DAAM1: variants seen among roughly 807,000 people sequenced by gnomAD.
DAAM1 encodes the protein dishevelled associated activator of morphogenesis 1.
DAAM1 carries 52 observed loss-of-function variants against 130.0 expected under a neutral mutation model. The ratio of observed to expected loss-of-function variants is 0.40; its 90% CI spans 0.32 to 0.50. The LOEUF (loss-of-function observed/expected upper bound fraction) is 0.50, where lower values mean the gene tolerates loss of function less well. Among genes scored for constraint, DAAM1 ranks in the 20% least tolerant of loss-of-function variants. DAAM1 has a pLI of 0.61. For synonymous variants in DAAM1, 452 were observed against 444.5 expected (o/e 1.02, Z -0.21); for missense variants, 1,134 against 1,303.8 (o/e 0.87, Z 2.01).
intron 12 of DAAM1, among the ~76,000 whole-genome samples, chr14:59,328,825 T>G (rs1057231658): frequency 2.0e-5 from 3 of 152,178 alleles, no homozygotes; most frequent in African/African-American, 7.2e-5. Context: ...GTTTTAGTGT[T>G]TTAAAGTGAA....
At chr14:59,322,279 A>G (rs1885040065) in intron 5 of DAAM1, among the ~76,000 whole-genome samples, 1 of 152,058 alleles carries the variant, frequency 6.6e-6, no homozygotes. Flanking sequence ...TGGGAGGCTG[A>G]GACAGGAGGT....
intron 2 of DAAM1, chr14:59,266,180 A>T (rs1346635135): frequency 1.3e-5 from 2 of 152,026 alleles, no homozygotes; most frequent in African/African-American, 4.8e-5. Context: ...GAAAAAAAAA[A>T]GTCAACCAAA....
intron 12 of DAAM1, 44 bp downstream of exon 12, chr14:59,327,035 G>A: frequency 6.2e-7 from 1 of 1,604,084 alleles, no homozygotes; most frequent in Non-Finnish European, 8.5e-7. Context: ...ATTGGTTATT[G>A]GGTGACCTTG....
chr14:59,210,722 T>G (rs1312333142), intron 1 of DAAM1, among the ~76,000 whole-genome samples: 1 of 152,246 alleles, frequency 6.6e-6, no homozygotes. Context: ...TTAATCTTAG[T>G]AGTTTTCTGC....
chr14:59,259,344 A>C (rs1594784572), intron 1 of DAAM1, among the ~76,000 whole-genome samples: 1 of 152,350 alleles, frequency 6.6e-6, no homozygotes, highest in East Asian at 1.9e-4. Flanking sequence ...CTAGTTAGGC[A>C]GATTAACAAG....
At position 59,353,876 on chromosome 14, in the gene DAAM1, A is replaced by T. The variant is rs762316105; in HGVS notation, c.2268A>T (p.Arg756=). The T allele has an allele frequency of 6.2e-7, 1 of 1,613,834 alleles. No individual in the cohort carries two copies. Among genetic ancestry groups the T allele is most frequent in the East Asian group, 2.2e-5 (1 of 44,846 alleles). The part of the protein sequence containing the change: ...KADRFLFEMS[R]INHYQQRLQS... ...AATTAGTACATGTTTGCTCTTACAGAATTAATCACTATCAGCAAAGGTTGC... is the reference window on the plus strand; with the variant it reads ...AATTAGTACATGTTTGCTCTTACAGTATTAATCACTATCAGCAAAGGTTGC... The change falls in exon 19 of 25, where the codon CGA becomes CGT. Residue 756 remains arginine (R), a splice_region_variant and synonymous_variant. Transcript: ENST00000360909.
In DAAM1 at chr14:59,312,433, AAG is replaced by A. The variant is rs772426695; in HGVS notation, c.274-2844_274-2843del. ...AAACTGAGTCACAAAGAGGTTACTT[AAG>A]AGTCACATAGCTAGTGAGAGACTAA... On this transcript the variant is annotated intron_variant, in intron 3 of 24. Transcript: ENST00000360909. Among the ~76,000 whole-genome samples the A allele has an allele frequency of 1.4e-4, 22 of 152,362 alleles. 1 individual carries two copies. The highest frequency in any genetic ancestry group is 8.5e-4 in the Admixed American group (13 of 15,304).
At chr14:59,276,704 T>C (rs1882984723) in intron 2 of DAAM1, among the ~76,000 whole-genome samples, 1 of 152,104 alleles carries the variant, frequency 6.6e-6, no homozygotes, top group Non-Finnish European at 1.5e-5. Context: ...AGTAAGAAAA[T>C]GGTTGGTAAT....
intron 1 of DAAM1, among the ~76,000 whole-genome samples, chr14:59,256,220 T>C (rs938409371): frequency 2.6e-5 from 4 of 152,252 alleles, no homozygotes; most frequent in African/African-American, 9.6e-5. Flanking sequence ...ATCACATATA[T>C]TGTGACTTGA....
intron 17 of DAAM1, among the ~76,000 whole-genome samples, chr14:59,350,070 C>T (rs1321236492): frequency 6.6e-6 from 1 of 152,090 alleles, no homozygotes; most frequent in Non-Finnish European, 1.5e-5. Context: ...CCTTACTTCC[C>T]TGCACTGAGA....
At chr14:59,339,779 C>G (rs950364129) in intron 15 of DAAM1, among the ~76,000 whole-genome samples, 5 of 152,156 alleles carry the variant, frequency 3.3e-5, no homozygotes, top group African/African-American at 1.2e-4. Context: ...AAGGAGGGCA[C>G]CACTCACTGA....
At chr14:59,253,867 G>A (rs1328222132) in intron 1 of DAAM1, among the ~76,000 whole-genome samples, 2 of 152,094 alleles carry the variant, frequency 1.3e-5, no homozygotes, top group African/African-American at 2.4e-5. Flanking sequence ...TTAATCCATA[G>A]TAAACTTTGC....
chr14:59,318,053 C>T (rs1328662260), intron 4 of DAAM1, among the ~76,000 whole-genome samples: 1 of 152,158 alleles, frequency 6.6e-6, no homozygotes, highest in Non-Finnish European at 1.5e-5. Context: ...ATGTAAGCCT[C>T]ATTACAAGAA....
At chr14:59,240,878 T>C (rs906718221) in intron 1 of DAAM1, among the ~76,000 whole-genome samples, 2 of 152,218 alleles carry the variant, frequency 1.3e-5, no homozygotes, top group East Asian at 1.9e-4. Flanking sequence ...TTAACCACTT[T>C]ACTGAATCAC....
At chr14:59,334,667 TAG>T (rs1443144684) in intron 15 of DAAM1, among the ~76,000 whole-genome samples, 7 of 152,178 alleles carry the variant, frequency 4.6e-5, no homozygotes, top group African/African-American at 1.7e-4. Flanking sequence ...AAATGACACT[TAG>T]GGGATATATA....
At chr14:59,350,901 C>T (rs1317117348) in intron 17 of DAAM1, among the ~76,000 whole-genome samples, 1 of 152,150 alleles carries the variant, frequency 6.6e-6, no homozygotes, top group Admixed American at 6.5e-5. Flanking sequence ...GACACCTGTG[C>T]CTTCAGTAAC....
chr14:59,338,977 AG>A (rs1885740756), intron 15 of DAAM1, among the ~76,000 whole-genome samples: 1 of 152,244 alleles, frequency 6.6e-6, no homozygotes, highest in Non-Finnish European at 1.5e-5. Context: ...TTTAAACAGT[AG>A]TACAGACTCA....
In DAAM1 at chr14:59,223,613, T is replaced by G. The variant is rs1287582948; in HGVS notation, c.-38+34845T>G. On this transcript the variant is annotated intron_variant, in intron 1 of 24. Coordinates refer to ENST00000360909, the MANE Select transcript of DAAM1 (RefSeq NM_001270520.2). ...GGAAGCCTGGATCTATTGCAGAGCT[T>G]TATCCCATTCTGGGCCTCATTCAAA... Among the ~76,000 whole-genome samples, 9 of 152,300 alleles carry G rather than the reference T, an allele frequency of 5.9e-5. No homozygotes were observed. In the East Asian group the frequency reaches 1.7e-3, roughly 29 times the overall value.
intron 1 of DAAM1, among the ~76,000 whole-genome samples, chr14:59,233,544 C>T (rs1202199605): frequency 2.0e-5 from 3 of 151,444 alleles, no homozygotes; most frequent in African/African-American, 7.3e-5. Flanking sequence ...AGACCTTTGT[C>T]AAATGGGTAG....
Sources: allele counts gnomAD v4.1 joint callset (sites outside exome capture counted in the v4.1 genomes callset), GRCh38; gene constraint gnomAD v4.1.1; transcripts MANE v1.5; gene names NCBI Gene and HGNC (gene_info 2026-07-23, HGNC 2026-07-21).